Variants in IL10RB observed in about 807,000 individuals in gnomAD.
The protein encoded by IL10RB is interleukin-10 receptor subunit beta.
Under a neutral mutation model 38.7 loss-of-function variants are expected in IL10RB, and 30 were observed. The observed-to-expected ratio is 0.78, with a 90% CI of 0.58 to 1.05. The LOEUF is 1.05. Ranked by LOEUF, IL10RB falls within the 50% of genes least tolerant of loss-of-function variation. IL10RB has a pLI of 0.00. For synonymous variants in IL10RB, 142 were observed against 145.9 expected (o/e 0.97, Z 0.19); for missense variants, 328 against 397.1 (o/e 0.83, Z 1.48).
intron 6 of IL10RB, among the ~76,000 whole-genome samples, chr21:33,289,635 T>C (rs1425421274): frequency 6.6e-6 from 1 of 152,164 alleles, no homozygotes; most frequent in African/African-American, 2.4e-5. Flanking sequence ...AGGTGCCCAG[T>C]GACTCTGGCG....
intron 5 of IL10RB, 132 bp downstream of exon 5, chr21:33,283,373 T>C (rs1284185704): frequency 1.1e-6 from 1 of 923,586 alleles, no homozygotes; most frequent in Non-Finnish European, 1.7e-6. Context: ...CTCTCAGCCC[T>C]GACTGCTCAG....
intron 6 of IL10RB, among the ~76,000 whole-genome samples, chr21:33,290,466 GC>G (rs1303755044): frequency 1.3e-5 from 2 of 152,138 alleles, no homozygotes; most frequent in Non-Finnish European, 1.5e-5. Flanking sequence ...TTGTTTGCTG[GC>G]CCTGCCCTAG....
Position 33,277,334 on chromosome 21 carries a change from C to CA in IL10RB, c.331+595dup, listed in dbSNP as rs373338629. ...TGGGCAATAGAGTGAGACTTGGTCTCAAAAAAAAAAAAAATATTGTTCCCA... is the reference window on the plus strand; with the variant it reads ...TGGGCAATAGAGTGAGACTTGGTCTCAAAAAAAAAAAAAAATATTGTTCCCA... On this transcript the variant is annotated intron_variant, in intron 3 of 6. Coordinates refer to ENST00000290200, the MANE Select transcript of IL10RB (RefSeq NM_000628.5). 4.1e-3 allele frequency among the ~76,000 whole-genome samples: 563 copies of CA among 136,140 alleles called. 2 individuals carry two copies. Among genetic ancestry groups the CA allele is most frequent in the African/African-American group, 0.011 (383 of 35,996 alleles). The allele number at this position is 136,140 out of a possible 152,430, so 89.3% of individuals were successfully genotyped here.
At chr21:33,304,310 A>C (rs2082993162) in intron 1 of IL10RB, among the ~76,000 whole-genome samples, 1 of 152,228 alleles carries the variant, frequency 6.6e-6, no homozygotes, top group South Asian at 2.1e-4. Flanking sequence ...AAGATGCATC[A>C]AAAAGTGATT....
intron 5 of IL10RB, among the ~76,000 whole-genome samples, chr21:33,286,824 G>C (rs893942228): frequency 6.6e-6 from 1 of 152,116 alleles, no homozygotes; most frequent in African/African-American, 2.4e-5. Context: ...CTGTACTCCA[G>C]CCTGGACAAC....
intron 2 of IL10RB, among the ~76,000 whole-genome samples, chr21:33,273,024 C>T (rs1360277505): frequency 3.3e-5 from 5 of 152,184 alleles, no homozygotes; most frequent in Non-Finnish European, 5.9e-5. Flanking sequence ...AGGACAGTCA[C>T]GGGTCACTTA....
At position 33,288,108 on chromosome 21, in the gene IL10RB, G is replaced by A. The variant is rs772283309; in HGVS notation, c.651G>A (p.Thr217=). 17 of 1,613,910 alleles carry A rather than the reference G, an allele frequency of 1.1e-5. No individual in the cohort carries two copies. Among genetic ancestry groups the A allele is most frequent in the African/African-American group, 4.0e-5 (3 of 74,892 alleles). The change falls in exon 6 of 7, where the codon ACG becomes ACA. Residue 217 remains threonine (T), a synonymous_variant. Transcript: ENST00000290200. ...CATGCCCATTACCCCTGGCAGAAAC[G>A]GTCCCCTCCTGGATGGTGGCCGTCA... ...PVCEQTTHDE[T]VPSWMVAVIL...
At chr21:33,279,661 G>T (rs990827022) in intron 3 of IL10RB, 91 bp from the exon 4 acceptor site, 24 of 1,072,172 alleles carry the variant, frequency 2.2e-5, no homozygotes, top group Admixed American at 5.1e-5. Flanking sequence ...GTACTTCCGT[G>T]GACTAATTGT....
chr21:33,273,500 G>A (rs1989116768), intron 2 of IL10RB, among the ~76,000 whole-genome samples: 1 of 152,182 alleles, frequency 6.6e-6, no homozygotes, highest in Non-Finnish European at 1.5e-5. Context: ...GGAGCATCTT[G>A]CCTTGATATG....
intron 2 of IL10RB, among the ~76,000 whole-genome samples, chr21:33,272,698 G>A (rs553783040): frequency 1.3e-5 from 2 of 152,220 alleles, no homozygotes; most frequent in East Asian, 1.9e-4. Flanking sequence ...CCTCTGCCTC[G>A]GCCTCCCAGA....
At chr21:33,289,552 A>C (rs1989444185) in intron 6 of IL10RB, among the ~76,000 whole-genome samples, 1 of 152,180 alleles carries the variant, frequency 6.6e-6, no homozygotes, top group Non-Finnish European at 1.5e-5. Flanking sequence ...TCCGGTCCCC[A>C]AGCCCATCTC....
At chr21:33,269,331 C>T (rs1989034053) in intron 2 of IL10RB, among the ~76,000 whole-genome samples, 2 of 152,190 alleles carry the variant, frequency 1.3e-5, no homozygotes, top group African/African-American at 2.4e-5. Context: ...TTAGGCCAGG[C>T]GCAAACAGCA....
chr21:33,274,435 A>G (rs1418819351), intron 2 of IL10RB, among the ~76,000 whole-genome samples: 1 of 152,126 alleles, frequency 6.6e-6, no homozygotes. Flanking sequence ...TGGCCTCCCA[A>G]AGTGCTCAGA....
At chr21:33,288,398 CACACACAG>C (rs1466916556) in intron 6 of IL10RB, 137 bp downstream of exon 6, 112 of 701,322 alleles carry the variant, frequency 1.6e-4, no homozygotes, top group Middle Eastern at 2.6e-4. Context: ...CACACACACA[CACACACAG>C]ACACGCCTCT....
At chr21:33,278,492 T>A (rs1432347268) in intron 3 of IL10RB, among the ~76,000 whole-genome samples, 2 of 152,158 alleles carry the variant, frequency 1.3e-5, no homozygotes, top group Admixed American at 1.3e-4. Flanking sequence ...AAGTACAAGT[T>A]TTTGCTCCTA....
downstream of IL10RB, chr21:33,297,250 T>C (rs2082971424): frequency 6.6e-6 from 1 of 152,252 alleles, no homozygotes. Flanking sequence ...TGTGTGTCAT[T>C]GTTAGATACT....
At chr21:33,304,283 A>G (rs2123614549) in intron 1 of IL10RB, among the ~76,000 whole-genome samples, 1 of 152,328 alleles carries the variant, frequency 6.6e-6, no homozygotes, top group African/African-American at 2.4e-5. Context: ...GTCTGGAGGA[A>G]AAAAGGACCC....
At chr21:33,266,580 T>A in intron 1 of IL10RB, 66 bp downstream of exon 1, 2 of 1,478,176 alleles carry the variant, frequency 1.4e-6, no homozygotes, top group Non-Finnish European at 9.1e-7. Flanking sequence ...CCGCCCCTGA[T>A]CCCATCCCTG....
At chr21:33,293,285 T>C (rs1455696241) in intron 6 of IL10RB, among the ~76,000 whole-genome samples, 1 of 152,244 alleles carries the variant, frequency 6.6e-6, no homozygotes, top group Non-Finnish European at 1.5e-5. Flanking sequence ...ACCAGTCAGC[T>C]GATGCAGGCT....
Sources: gnomAD v4.1 joint callset for allele counts (sites outside exome capture counted in the v4.1 genomes callset) on GRCh38, gnomAD v4.1.1 for gene constraint, MANE v1.5 for transcripts, NCBI Gene and HGNC (gene_info 2026-07-23, HGNC 2026-07-21) for gene names.